Variants in PRKG1 observed in about 807,000 individuals in gnomAD.
PRKG1 encodes the protein cGMP-dependent protein kinase 1.
In PRKG1, 35 loss-of-function variants were observed where a neutral mutation model predicts 88.1. The observed-to-expected ratio is 0.40, with a 90% CI of 0.30 to 0.53. The LOEUF is 0.53. Among genes scored for constraint, PRKG1 ranks in the 20% least tolerant of loss-of-function variants. PRKG1 has a pLI of 0.59. For missense variants in PRKG1, 540 were observed against 839.8 expected (o/e 0.64, Z 4.41); for synonymous variants, 303 against 292.5 (o/e 1.04, Z -0.37).
intron 2 of PRKG1, among the ~76,000 whole-genome samples, chr10:51,337,476 C>A (rs940859736): frequency 6.6e-6 from 1 of 152,110 alleles, no homozygotes; most frequent in South Asian, 2.1e-4. Flanking sequence ...GAACAGGCAA[C>A]CTACAGAGTG....
intron 3 of PRKG1, among the ~76,000 whole-genome samples, chr10:51,472,981 C>G (rs73336255): frequency 4.5e-4 from 69 of 151,858 alleles, no homozygotes; most frequent in African/African-American, 1.6e-3. Flanking sequence ...GAAACATGAC[C>G]CTGGTTGTGG....
chr10:51,595,278 G>T lies in PRKG1; in HGVS notation c.592+127442G>T, dbSNP rs547700556. ...TGGAAGGATCTCTTGAGCCCAGGAG[G>T]TTGAGACTGCAGTGACCTGGGCAAG... On this transcript the variant is annotated intron_variant, in intron 3 of 17. Transcript: ENST00000373980. 4.6e-5 allele frequency among the ~76,000 whole-genome samples: 7 copies of T among 152,100 alleles called. No homozygotes were observed. The East Asian group carries it at 1.4e-3, about 30-fold the overall frequency.
intron 2 of PRKG1, among the ~76,000 whole-genome samples, chr10:51,447,400 C>T (rs1014036225): frequency 2.0e-5 from 3 of 152,006 alleles, no homozygotes; most frequent in Non-Finnish European, 4.4e-5. Context: ...GAACTATTAG[C>T]AAGATTTAGC....
chr10:51,393,121 AGGGTCTCCTCACTTCTCAGACGGGGCG>A (rs1837477735), intron 2 of PRKG1, among the ~76,000 whole-genome samples: 1 of 113,982 alleles, frequency 8.8e-6, no homozygotes, highest in Admixed American at 8.4e-5. Flanking sequence ...TGCCGGGCGG[AGGGTCTCCTCACTTCTCAGACGGGGCG>A]GCCGGGCAGA....
chr10:51,404,111 G>A (rs1323905310), intron 2 of PRKG1, among the ~76,000 whole-genome samples: 1 of 152,170 alleles, frequency 6.6e-6, no homozygotes, highest in Non-Finnish European at 1.5e-5. Flanking sequence ...CTAAACAGAT[G>A]ATTGGTACCA....
At chr10:51,721,961 G>A (rs781746890) in intron 3 of PRKG1, among the ~76,000 whole-genome samples, 8 of 152,188 alleles carry the variant, frequency 5.3e-5, no homozygotes, top group Non-Finnish European at 1.0e-4. Flanking sequence ...GCAGGGTGCG[G>A]TGGCTTACGC....
chr10:51,460,654 G>C (rs1192127700), intron 2 of PRKG1, among the ~76,000 whole-genome samples: 6 of 152,114 alleles, frequency 3.9e-5, no homozygotes, highest in Non-Finnish European at 7.4e-5. Context: ...CATTTCAAAA[G>C]ATAATGCACA....
At chr10:51,099,272 TGAA>T (rs1316310634) in intron 1 of PRKG1, among the ~76,000 whole-genome samples, 3 of 151,942 alleles carry the variant, frequency 2.0e-5, no homozygotes, top group East Asian at 1.9e-4. Flanking sequence ...GGGGAAGAAT[TGAA>T]GAAGTTATTT....
chr10:51,050,113 A>G (rs1241201792), intron 1 of PRKG1, among the ~76,000 whole-genome samples: 1 of 151,932 alleles, frequency 6.6e-6, no homozygotes, highest in African/African-American at 2.4e-5. Flanking sequence ...AGTCTTCTAC[A>G]TGTTTTCTCT....
chr10:51,371,256 G>T (rs1842700181), intron 2 of PRKG1, among the ~76,000 whole-genome samples: 1 of 152,012 alleles, frequency 6.6e-6, no homozygotes, highest in South Asian at 2.1e-4. Flanking sequence ...TGATGATCAT[G>T]CCAGGAATGG....
intron 5 of PRKG1, among the ~76,000 whole-genome samples, chr10:52,050,066 TGTG>T (rs1383842215): frequency 1.3e-5 from 2 of 151,864 alleles, no homozygotes; most frequent in Non-Finnish European, 2.9e-5. Context: ...TTCATGTGTG[TGTG>T]GTGGTGGTGG....
chr10:51,706,138 C>G (rs1268963926), intron 3 of PRKG1, among the ~76,000 whole-genome samples: 3 of 152,188 alleles, frequency 2.0e-5, no homozygotes, highest in Non-Finnish European at 4.4e-5. Context: ...CACCTAAAGA[C>G]TTTTATAAAG....
chr10:51,999,248 A>C (rs1250827055), intron 5 of PRKG1, among the ~76,000 whole-genome samples: 1 of 152,182 alleles, frequency 6.6e-6, no homozygotes, highest in African/African-American at 2.4e-5. Context: ...GCTTCCAAAT[A>C]CAAGTTGAGG....
At chr10:51,732,597 A>G (rs1837144198) in intron 3 of PRKG1, among the ~76,000 whole-genome samples, 1 of 152,198 alleles carries the variant, frequency 6.6e-6, no homozygotes, top group South Asian at 2.1e-4. Flanking sequence ...AATATCTAAT[A>G]ATAGTAGTGA....
intron 2 of PRKG1, among the ~76,000 whole-genome samples, chr10:51,312,570 G>A (rs767155812): frequency 6.6e-6 from 1 of 152,092 alleles, no homozygotes; most frequent in Non-Finnish European, 1.5e-5. Flanking sequence ...GTAGGGGTAG[G>A]TGAGAAAGGA....
chr10:52,202,462 T>C (rs1311954574), intron 9 of PRKG1, among the ~76,000 whole-genome samples: 1 of 152,130 alleles, frequency 6.6e-6, no homozygotes, highest in Admixed American at 6.5e-5. Context: ...TTTACATCTA[T>C]GTTCATCAAG....
At chr10:51,522,241 T>C (rs1199231238) in intron 3 of PRKG1, among the ~76,000 whole-genome samples, 1 of 152,222 alleles carries the variant, frequency 6.6e-6, no homozygotes, top group Non-Finnish European at 1.5e-5. Context: ...TATGATCATG[T>C]TTTGTGTTTG....
intron 3 of PRKG1, among the ~76,000 whole-genome samples, chr10:51,549,964 A>G (rs568734492): frequency 3.3e-5 from 5 of 152,142 alleles, no homozygotes; most frequent in Admixed American, 2.6e-4. Context: ...CTCATCCTTC[A>G]CTTATTATCA....
chr10:51,014,135 G>A (rs1362002147), intron 1 of PRKG1, among the ~76,000 whole-genome samples: 1 of 152,090 alleles, frequency 6.6e-6, no homozygotes, highest in African/African-American at 2.4e-5. Context: ...ATGTTAATTG[G>A]ATTTCTCTAT....
Sources: allele counts gnomAD v4.1 joint callset (sites outside exome capture counted in the v4.1 genomes callset), GRCh38; gene constraint gnomAD v4.1.1; transcripts MANE v1.5; gene names NCBI Gene and HGNC (gene_info 2026-07-23, HGNC 2026-07-21).